Variants in MPPED2 observed in about 807,000 individuals in gnomAD.
MPPED2 encodes the protein metallophosphoesterase domain containing 2, also known as metallophosphoesterase MPPED2.
A neutral mutation model predicts 33.0 loss-of-function variants in MPPED2; 5 were observed. The observed-to-expected ratio is 0.15, with a 90% CI of 0.08 to 0.32. The LOEUF (loss-of-function observed/expected upper bound fraction) is 0.32, where lower values mean the gene tolerates loss of function less well. Among genes scored for constraint, MPPED2 ranks in the 10% least tolerant of loss-of-function variants. The pLI, the probability that MPPED2 is intolerant of heterozygous loss-of-function variation, is 1.00. For missense variants in MPPED2, 275 were observed against 372.1 expected, an observed-to-expected ratio of 0.74 and a Z score of 2.15; for synonymous variants, 136 against 141.9, an observed-to-expected ratio of 0.96 and a Z score of 0.29.
At chr11:30,419,551 G>A (rs1433576518) in intron 4 of MPPED2, among the ~76,000 whole-genome samples, 3 of 152,142 alleles carry the variant, frequency 2.0e-5, no homozygotes, top group African/African-American at 7.2e-5. Flanking sequence ...GTCTTTTGGT[G>A]ACAACATCTG....
intron 2 of MPPED2, among the ~76,000 whole-genome samples, chr11:30,570,247 C>T (rs189676650): frequency 4.6e-5 from 7 of 152,144 alleles, no homozygotes; most frequent in Admixed American, 2.0e-4. Context: ...ATCTTTTCAC[C>T]GTAACCTCAT....
At chr11:30,500,629 T>C (rs561641637) in intron 3 of MPPED2, among the ~76,000 whole-genome samples, 1 of 152,322 alleles carries the variant, frequency 6.6e-6, no homozygotes, top group African/African-American at 2.4e-5. Flanking sequence ...AAATGAAATT[T>C]AGCCTCTAAA....
chr11:30,467,165 T>C (rs1200793109), intron 4 of MPPED2, among the ~76,000 whole-genome samples: 2 of 152,170 alleles, frequency 1.3e-5, no homozygotes, highest in African/African-American at 2.4e-5. Flanking sequence ...TGGCTTTTGC[T>C]GTCACTGAGG....
chr11:30,403,595 ACT>A (rs940493141), intron 6 of MPPED2, among the ~76,000 whole-genome samples: 8 of 152,204 alleles, frequency 5.3e-5, no homozygotes, highest in Admixed American at 1.3e-4. Context: ...AGAGAGGAAT[ACT>A]GTGTTTAATG....
At chr11:30,566,608 G>T (rs2134766567) in intron 2 of MPPED2, among the ~76,000 whole-genome samples, 1 of 152,258 alleles carries the variant, frequency 6.6e-6, no homozygotes, top group South Asian at 2.1e-4. Context: ...ACTTCCTGGG[G>T]AAGCACATGT....
intron 4 of MPPED2, among the ~76,000 whole-genome samples, chr11:30,460,073 C>T (rs529233859): frequency 6.6e-6 from 1 of 152,234 alleles, no homozygotes; most frequent in Non-Finnish European, 1.5e-5. Flanking sequence ...ACTTGGCACA[C>T]ACAAGATCAG....
At chr11:30,503,517 A>T (rs1026239134) in intron 3 of MPPED2, among the ~76,000 whole-genome samples, 3 of 152,022 alleles carry the variant, frequency 2.0e-5, no homozygotes, top group South Asian at 2.1e-4. Flanking sequence ...CCTTTTTTTT[A>T]AAATCAGAGA....
At chr11:30,449,415 G>A (rs1949953832) in intron 4 of MPPED2, among the ~76,000 whole-genome samples, 2 of 152,166 alleles carry the variant, frequency 1.3e-5, no homozygotes, top group Non-Finnish European at 2.9e-5. Flanking sequence ...GGGAGGCTGA[G>A]GTAAACAGAT....
At chr11:30,574,894 A>T (rs1406828259) in intron 2 of MPPED2, among the ~76,000 whole-genome samples, 1 of 152,218 alleles carries the variant, frequency 6.6e-6, no homozygotes, top group Non-Finnish European at 1.5e-5. Context: ...CTGCAAATTC[A>T]GTTCCAAATG....
intron 4 of MPPED2, 46 bp from the exon 5 acceptor site, chr11:30,417,679 G>A (rs1229716491): frequency 2.8e-6 from 3 of 1,057,904 alleles, no homozygotes; most frequent in Non-Finnish European, 4.4e-6. Flanking sequence ...CAGAGCCACG[G>A]CTCCGCTCTG....
intron 4 of MPPED2, among the ~76,000 whole-genome samples, chr11:30,460,264 C>A (rs537820255): frequency 1.3e-5 from 2 of 152,010 alleles, no homozygotes; most frequent in East Asian, 3.9e-4. Context: ...CTTCCCGTGG[C>A]GACAATATAA....
chr11:30,464,024 T>C (rs1031265703), intron 4 of MPPED2, among the ~76,000 whole-genome samples: 3 of 152,108 alleles, frequency 2.0e-5, no homozygotes, highest in Non-Finnish European at 2.9e-5. Flanking sequence ...GACTAAAAAC[T>C]GGTATATAGC....
intron 4 of MPPED2, among the ~76,000 whole-genome samples, chr11:30,445,649 T>G (rs1049535619): frequency 6.6e-6 from 1 of 152,294 alleles, no homozygotes; most frequent in Middle Eastern, 3.4e-3. Context: ...CCATTCTACT[T>G]TCCATCTTTA....
chr11:30,433,501 A>G (rs1207822244), intron 4 of MPPED2, among the ~76,000 whole-genome samples: 1 of 152,198 alleles, frequency 6.6e-6, no homozygotes, highest in Non-Finnish European at 1.5e-5. Flanking sequence ...TGAGGCAAAA[A>G]GAGGCTAAAG....
intron 2 of MPPED2, among the ~76,000 whole-genome samples, chr11:30,574,470 T>C (rs1260404797): frequency 6.6e-6 from 1 of 152,210 alleles, no homozygotes; most frequent in African/African-American, 2.4e-5. Flanking sequence ...GCCTAGAAGA[T>C]GCATTTCTCA....
chr11:30,535,623 A>G (rs1469978987), intron 3 of MPPED2, among the ~76,000 whole-genome samples: 1 of 152,130 alleles, frequency 6.6e-6, no homozygotes, highest in Non-Finnish European at 1.5e-5. Flanking sequence ...GGTCATTTGT[A>G]TATCTTTGCT....
At position 30,440,572 on chromosome 11, in the gene MPPED2, A is replaced by G. The variant is rs1057504533; in HGVS notation, c.537-22939T>C. 2.0e-5 allele frequency among the ~76,000 whole-genome samples: 3 copies of G among 152,344 alleles called. No individual in the cohort carries two copies. In the South Asian group the frequency reaches 6.2e-4, roughly 32 times the overall value. On this transcript the variant is annotated intron_variant, in intron 4 of 6. Transcript: ENST00000358117. ...TTAGGGCAGCTGTAGGGCAGGTAATAGCCATTTTACAGAGAAAAGAGAAGC... is the reference window on the plus strand; with the variant it reads ...TTAGGGCAGCTGTAGGGCAGGTAATGGCCATTTTACAGAGAAAAGAGAAGC...
intron 3 of MPPED2, among the ~76,000 whole-genome samples, chr11:30,503,728 C>G (rs1952675756): frequency 6.6e-6 from 1 of 152,196 alleles, no homozygotes; most frequent in Non-Finnish European, 1.5e-5. Context: ...GCCCTCTCCC[C>G]TCTATTCTCC....
intron 2 of MPPED2, among the ~76,000 whole-genome samples, chr11:30,543,596 A>C (rs1955247541): frequency 6.6e-6 from 1 of 152,216 alleles, no homozygotes. Flanking sequence ...AATGCCATCC[A>C]CATCCATCCA....
Sources: allele counts gnomAD v4.1 joint callset (sites outside exome capture counted in the v4.1 genomes callset), GRCh38; gene constraint gnomAD v4.1.1; transcripts MANE v1.5; gene names NCBI Gene and HGNC (gene_info 2026-07-23, HGNC 2026-07-21).